The following LRRC7 variants were observed in gnomAD, a reference collection of about 807,000 sequenced individuals.
The protein encoded by LRRC7 is leucine-rich repeat-containing protein 7.
In LRRC7, 23 loss-of-function variants were observed where a neutral mutation model predicts 175.7. That is an observed-to-expected ratio of 0.13 (90% CI 0.09 to 0.19). The LOEUF is 0.19. Ranked by LOEUF, LRRC7 falls within the 10% of genes least tolerant of loss-of-function variation. The probability of loss-of-function intolerance (pLI) is 1.00; values close to 1 mark genes in which losing one functional copy is unlikely to be tolerated. For missense variants in LRRC7, 1,354 were observed against 1,904.7 expected, an observed-to-expected ratio of 0.71 and a Z score of 5.38; for synonymous variants, 685 against 680.9, an observed-to-expected ratio of 1.01 and a Z score of -0.09.
In LRRC7 at chr1:69,579,550, T is replaced by C. The variant is rs558838419; in HGVS notation, c.2+10909T>C. Among the ~76,000 whole-genome samples, 53 of 152,222 alleles carry C rather than the reference T, an allele frequency of 3.5e-4. 1 individual carries two copies. In the South Asian group the frequency reaches 0.011, roughly 32 times the overall value. The stretch of plus-strand genomic sequence containing the variant: ...TACATATGTGGAGACTCACTGGATA[T>C]TTTATCCCAAGCAGACTAGCTCACA... On this transcript the variant is annotated intron_variant, in intron 1 of 26. Transcript: ENST00000651989.
At chr1:70,082,941 C>T (rs1295605627) in intron 24 of LRRC7, among the ~76,000 whole-genome samples, 1 of 151,490 alleles carries the variant, frequency 6.6e-6, no homozygotes, top group East Asian at 1.9e-4. Flanking sequence ...TGCTCCACCA[C>T]ACCCAGCTAA....
At chr1:70,003,972 C>T (rs181372127) in intron 11 of LRRC7, among the ~76,000 whole-genome samples, 21 of 152,236 alleles carry the variant, frequency 1.4e-4, no homozygotes, top group African/African-American at 4.8e-4. Context: ...AATAATCTAA[C>T]GTAATTTTTT....
intron 4 of LRRC7, among the ~76,000 whole-genome samples, chr1:69,793,040 G>C (rs1251206212): frequency 6.6e-6 from 1 of 152,078 alleles, no homozygotes; most frequent in East Asian, 1.9e-4. Flanking sequence ...TAAACTTCCT[G>C]TGTGTGCACC....
intron 1 of LRRC7, among the ~76,000 whole-genome samples, chr1:69,571,222 A>G (rs1000443119): frequency 6.6e-6 from 1 of 152,220 alleles, no homozygotes; most frequent in African/African-American, 2.4e-5. Flanking sequence ...GTCTGCACAT[A>G]TGCAGCTTAG....
intron 1 of LRRC7, among the ~76,000 whole-genome samples, chr1:69,654,953 T>C (rs1158509198): frequency 1.3e-5 from 2 of 152,238 alleles, no homozygotes; most frequent in African/African-American, 4.8e-5. Flanking sequence ...TCAAATAGTT[T>C]GGCTTCAACT....
At position 70,021,036 on chromosome 1, in the gene LRRC7, T is replaced by G. The variant is rs561687811; in HGVS notation, c.1452T>G (p.Pro484=). 6.2e-7 allele frequency: 1 copy of G among 1,612,374 alleles called. No individual in the cohort carries two copies. The highest frequency in any genetic ancestry group is 2.2e-5 in the East Asian group (1 of 44,776). ...AGTCAGACAGTGACAGCTTTAACCC[T>G]ACACTGTGGGAAGAGCAGAGACAAC... The part of the protein sequence containing the change: ...DFQSDSDSFN[P]TLWEEQRQQR... Residue 484 remains proline, a synonymous_variant, in exon 16 of 27, where the codon CCT becomes CCG. Transcript: ENST00000651989.
intron 24 of LRRC7, among the ~76,000 whole-genome samples, chr1:70,078,825 C>A (rs1662996873): frequency 4.8e-5 from 1 of 20,876 alleles, no homozygotes; most frequent in Non-Finnish European, 1.6e-4. Context: ...CACACACACG[C>A]ACACACACAC....
intron 1 of LRRC7, among the ~76,000 whole-genome samples, chr1:69,647,372 A>G (rs949632853): frequency 3.3e-5 from 5 of 152,318 alleles, no homozygotes; most frequent in Middle Eastern, 3.4e-3. Context: ...TTTGCTTTCA[A>G]TCTTGAGTGC....
intron 2 of LRRC7, among the ~76,000 whole-genome samples, chr1:69,683,647 A>G (rs1660766176): frequency 6.7e-6 from 1 of 149,830 alleles, no homozygotes; most frequent in Non-Finnish European, 1.5e-5. Flanking sequence ...AAAATAATAC[A>G]TGAAGAAACT....
intron 2 of LRRC7, among the ~76,000 whole-genome samples, chr1:69,738,462 G>A (rs1254201056): frequency 6.6e-6 from 1 of 151,646 alleles, no homozygotes; most frequent in African/African-American, 2.4e-5. Flanking sequence ...TCCTTTCCTT[G>A]TTTTTCTATT....
At chr1:69,965,077 G>A (rs1166040349) in intron 8 of LRRC7, among the ~76,000 whole-genome samples, 1 of 152,162 alleles carries the variant, frequency 6.6e-6, no homozygotes, top group African/African-American at 2.4e-5. Context: ...TCCTTGCATG[G>A]AGTAGGTTGT....
rs1667099514 is a variant in LRRC7 at position 70,142,442 on chromosome 1, AGAG to A, written c.*20556_*20558del. ...CAAGCCTATTTTCTGTTTGAAATGA[AGAG>A]AAAGGTAATTGACAGATAAACAGAT... On this transcript the variant is annotated 3_prime_UTR_variant, in exon 27 of 27. Transcript: ENST00000651989. The A allele has an allele frequency of 2.6e-5, 4 of 152,082 alleles. No homozygotes were observed. The highest frequency in any genetic ancestry group is 5.9e-5 in the Non-Finnish European group (4 of 67,954). 9.4% of individuals were successfully genotyped at this position (152,082 alleles called of 1,614,324 possible).
At position 69,821,892 on chromosome 1, in the gene LRRC7, C is replaced by CA. The variant is rs367975148; in HGVS notation, c.422-3845dup. ...CCTGGGCAACAGAGCGAGACTCTGT[C>CA]AAAAAAAAAAATTGTGTTATTTTGG... is the stretch of plus-strand genomic sequence containing the variant. On this transcript the variant is annotated intron_variant, in intron 4 of 26. Transcript: ENST00000651989. 1.0e-3 allele frequency among the ~76,000 whole-genome samples: 154 copies of CA among 146,958 alleles called. 3 individuals carry two copies. The East Asian group carries it at 0.019, about 18-fold the overall frequency.
intron 22 of LRRC7, among the ~76,000 whole-genome samples, chr1:70,048,938 C>T (rs926991089): frequency 5.3e-5 from 8 of 152,084 alleles, no homozygotes; most frequent in African/African-American, 1.9e-4. Context: ...CTTTCCTATC[C>T]CCATGTCTGC....
chr1:70,067,239 CT>C (rs997328654), intron 23 of LRRC7, among the ~76,000 whole-genome samples: 6 of 151,736 alleles, frequency 4.0e-5, no homozygotes, highest in East Asian at 1.9e-4. Flanking sequence ...TGTAGCTTGA[CT>C]TTTTTTTCAT....
chr1:69,642,249 G>T (rs1654321449), intron 1 of LRRC7, among the ~76,000 whole-genome samples: 1 of 151,858 alleles, frequency 6.6e-6, no homozygotes, highest in African/African-American at 2.4e-5. Flanking sequence ...AGAGAAAAAT[G>T]TAGTCATTTT....
intron 3 of LRRC7, among the ~76,000 whole-genome samples, chr1:69,764,272 T>G (rs1201923283): frequency 6.6e-6 from 1 of 151,784 alleles, no homozygotes; most frequent in Non-Finnish European, 1.5e-5. Flanking sequence ...CCATAACAGG[T>G]GCATATTATA....
chr1:69,900,584 T>G (rs947701630), intron 7 of LRRC7, among the ~76,000 whole-genome samples: 1 of 152,174 alleles, frequency 6.6e-6, no homozygotes, highest in African/African-American at 2.4e-5. Flanking sequence ...TCTTCTAAGG[T>G]GCCAAATCAT....
chr1:69,658,224 C>A (rs1290712085), intron 1 of LRRC7, among the ~76,000 whole-genome samples: 1 of 151,878 alleles, frequency 6.6e-6, no homozygotes, highest in Admixed American at 6.6e-5. Context: ...TCCATTACAT[C>A]ATATTTTTAG....
Sources: allele counts gnomAD v4.1 joint callset (sites outside exome capture counted in the v4.1 genomes callset), GRCh38; gene constraint gnomAD v4.1.1; transcripts MANE v1.5; gene names NCBI Gene and HGNC (gene_info 2026-07-23, HGNC 2026-07-21).